PCCA: variants seen among roughly 807,000 people sequenced by gnomAD.
The protein encoded by PCCA is propionyl-CoA carboxylase alpha chain, mitochondrial.
In PCCA, 74 loss-of-function variants were observed where a neutral mutation model predicts 101.3. The ratio of observed to expected loss-of-function variants is 0.73; its 90% CI spans 0.61 to 0.89. The LOEUF (loss-of-function observed/expected upper bound fraction) is 0.89, where lower values mean the gene tolerates loss of function less well. PCCA is among the 40% of genes least tolerant of loss of function. The pLI is 0.00. For synonymous variants in PCCA, 294 were observed against 313.6 expected (o/e 0.94, Z 0.66); for missense variants, 891 against 907.0 (o/e 0.98, Z 0.23).
chr13:100,245,517 G>T (rs2061384414), intron 8 of PCCA, among the ~76,000 whole-genome samples: 1 of 152,172 alleles, frequency 6.6e-6, no homozygotes, highest in Non-Finnish European at 1.5e-5. Flanking sequence ...AGGTTGTAGG[G>T]TGAGAAGGAG....
chr13:100,266,810 G>C (rs1039575183), intron 10 of PCCA, among the ~76,000 whole-genome samples: 1 of 152,172 alleles, frequency 6.6e-6, no homozygotes, highest in East Asian at 1.9e-4. Flanking sequence ...GATACCAACA[G>C]GCTTGCATTA....
intron 19 of PCCA, among the ~76,000 whole-genome samples, chr13:100,383,779 A>G (rs1819538907): frequency 1.3e-5 from 2 of 152,310 alleles, no homozygotes; most frequent in East Asian, 3.9e-4. Context: ...CATATAATTG[A>G]AATTACCACC....
At chr13:100,212,166 A>G (rs555080719) in intron 7 of PCCA, among the ~76,000 whole-genome samples, 4 of 152,332 alleles carry the variant, frequency 2.6e-5, no homozygotes, top group African/African-American at 9.6e-5. Flanking sequence ...ACTAACAATT[A>G]AAAGCTGAAC....
At chr13:100,089,776 A>T (rs1412007802) in intron 1 of PCCA, among the ~76,000 whole-genome samples, 3 of 152,216 alleles carry the variant, frequency 2.0e-5, no homozygotes, top group East Asian at 1.9e-4. Flanking sequence ...ATGACACCCC[A>T]GTCTACTGTG....
chr13:100,222,117 C>T (rs2059854866), intron 7 of PCCA, among the ~76,000 whole-genome samples: 1 of 151,564 alleles, frequency 6.6e-6, no homozygotes, highest in East Asian at 2.0e-4. Context: ...TCTGGACTCA[C>T]TCCATCCCCG....
intron 8 of PCCA, among the ~76,000 whole-genome samples, chr13:100,245,866 G>A (rs1181831034): frequency 6.6e-6 from 1 of 152,224 alleles, no homozygotes; most frequent in Non-Finnish European, 1.5e-5. Flanking sequence ...ATCCCTTGGA[G>A]GTAGACTCTG....
At chr13:100,488,969 T>C (rs1283092094) in intron 21 of PCCA, among the ~76,000 whole-genome samples, 1 of 152,092 alleles carries the variant, frequency 6.6e-6, no homozygotes, top group African/African-American at 2.4e-5. Flanking sequence ...GCAACACTAC[T>C]CTAGATCAGA....
intron 2 of PCCA, among the ~76,000 whole-genome samples, chr13:100,110,577 A>G (rs754206703): frequency 6.6e-6 from 1 of 152,216 alleles, no homozygotes; most frequent in South Asian, 2.1e-4. Flanking sequence ...CAAACTTAAC[A>G]TTGGATTCAA....
At chr13:100,101,692 T>G (rs2047294540) in intron 1 of PCCA, among the ~76,000 whole-genome samples, 1 of 152,060 alleles carries the variant, frequency 6.6e-6, no homozygotes, top group African/African-American at 2.4e-5. Context: ...CTCCACCTCC[T>G]GGGTTCAAGC....
intron 22 of PCCA, among the ~76,000 whole-genome samples, chr13:100,523,370 C>A (rs2153004228): frequency 6.6e-6 from 1 of 152,266 alleles, no homozygotes; most frequent in East Asian, 1.9e-4. Flanking sequence ...CCCTTAATTA[C>A]ACTTGGAAGA....
At chr13:100,286,220 T>C (rs1373658597) in intron 12 of PCCA, among the ~76,000 whole-genome samples, 2 of 152,218 alleles carry the variant, frequency 1.3e-5, no homozygotes, top group Non-Finnish European at 2.9e-5. Context: ...TAAAATTTTC[T>C]TTTTAATTGT....
intron 7 of PCCA, among the ~76,000 whole-genome samples, chr13:100,220,921 G>T (rs959167022): frequency 1.3e-5 from 2 of 152,156 alleles, no homozygotes; most frequent in African/African-American, 4.8e-5. Context: ...ACCTGACAGT[G>T]CCTTGTTGGT....
intron 6 of PCCA, among the ~76,000 whole-genome samples, chr13:100,169,284 A>G (rs948378353): frequency 4.6e-5 from 7 of 152,028 alleles, no homozygotes; most frequent in Middle Eastern, 3.4e-3. Context: ...TCTACTAATA[A>G]TACAAAAATT....
At chr13:100,305,894 G>A in intron 14 of PCCA, 2 of 394,058 alleles carry the variant, frequency 5.1e-6, no homozygotes, top group South Asian at 2.1e-5. Flanking sequence ...ATGTGAATAC[G>A]AATACAGATA....
chr13:100,107,666 TGTAA>T (rs1347347655), intron 2 of PCCA, among the ~76,000 whole-genome samples: 1 of 152,236 alleles, frequency 6.6e-6, no homozygotes, highest in African/African-American at 2.4e-5. Context: ...TAGTGAACTT[TGTAA>T]GTGATTTAAG....
At chr13:100,324,807 G>C (rs2068468190) in intron 16 of PCCA, among the ~76,000 whole-genome samples, 1 of 152,170 alleles carries the variant, frequency 6.6e-6, no homozygotes, top group Non-Finnish European at 1.5e-5. Context: ...ATGTGATGCT[G>C]ATCACCGCTG....
chr13:100,276,530 A>G (rs114242284), intron 12 of PCCA, among the ~76,000 whole-genome samples: 2,197 of 152,266 alleles, frequency 0.014, 50 homozygotes, highest in African/African-American at 0.051. Flanking sequence ...ACAATCTCAC[A>G]TACACAGATG....
intron 21 of PCCA, among the ~76,000 whole-genome samples, chr13:100,482,689 A>G (rs776268988): frequency 6.6e-6 from 1 of 152,232 alleles, no homozygotes; most frequent in Non-Finnish European, 1.5e-5. Flanking sequence ...CCTGGGTTCA[A>G]GCGATTCTCC....
chr13:100,350,344 A>T (rs1002622961), intron 18 of PCCA, among the ~76,000 whole-genome samples: 106 of 14,088 alleles, frequency 7.5e-3, no homozygotes, highest in African/African-American at 0.023. Flanking sequence ...CTATACAATA[A>T]AAAAAAATAG....
Sources: gnomAD v4.1 joint callset for allele counts (sites outside exome capture counted in the v4.1 genomes callset) on GRCh38, gnomAD v4.1.1 for gene constraint, MANE v1.5 for transcripts, NCBI Gene and HGNC (gene_info 2026-07-23, HGNC 2026-07-21) for gene names.